CCDC90B: variants seen among roughly 807,000 people sequenced by gnomAD.
CCDC90B encodes coiled-coil domain containing 90B, also known as coiled-coil domain-containing protein 90B, mitochondrial.
CCDC90B carries 24 observed loss-of-function variants against 37.0 expected under a neutral mutation model. The observed-to-expected ratio is 0.65, with a 90% CI of 0.47 to 0.91. CCDC90B has a LOEUF of 0.91. Ranked by LOEUF, CCDC90B falls within the 40% of genes least tolerant of loss-of-function variation. The pLI, the probability that CCDC90B is intolerant of heterozygous loss-of-function variation, is 0.00. For synonymous variants in CCDC90B, 113 were observed against 101.1 expected (o/e 1.12, Z -0.71); for missense variants, 319 against 299.0 (o/e 1.07, Z -0.49).
At chr11:83,263,852 A>G (rs1864078966) in intron 8 of CCDC90B, among the ~76,000 whole-genome samples, 1 of 152,134 alleles carries the variant, frequency 6.6e-6, no homozygotes, top group South Asian at 2.1e-4. Context: ...TAGGTAGGCT[A>G]TTTTACTTGT....
rs1312514744 is a variant in CCDC90B at position 83,260,256 on chromosome 11, A to C, written c.*1655T>G. 1 of 152,210 alleles carries C rather than the reference A, an allele frequency of 6.6e-6. No individual in the cohort carries two copies. Among genetic ancestry groups the C allele is most frequent in the Non-Finnish European group, 1.5e-5 (1 of 68,044 alleles). 9.4% of individuals were successfully genotyped at this position (152,210 alleles called of 1,614,324 possible). A position where few individuals can be genotyped will look rare whatever the true frequency, so the allele number is the denominator to read the frequency against. Reference sequence around the variant, plus strand: ...TCCTTAAGATTGTCAATTCAATGAGAATGAAACCATGTTCATCTCTGTGCA... The same window carrying C: ...TCCTTAAGATTGTCAATTCAATGAGCATGAAACCATGTTCATCTCTGTGCA... On this transcript the variant is annotated 3_prime_UTR_variant, in exon 9 of 9. Coordinates refer to ENST00000529689, the MANE Select transcript of CCDC90B (RefSeq NM_021825.5).
At chr11:83,267,904 G>A (rs1033220007) in intron 7 of CCDC90B, among the ~76,000 whole-genome samples, 16 of 152,178 alleles carry the variant, frequency 1.1e-4, no homozygotes, top group South Asian at 4.1e-4. Flanking sequence ...GACTAACAGC[G>A]GACCTCTTGG....
At chr11:83,277,127 T>C (rs1320091415) in intron 3 of CCDC90B, among the ~76,000 whole-genome samples, 2 of 152,192 alleles carry the variant, frequency 1.3e-5, no homozygotes, top group African/African-American at 4.8e-5. Context: ...AATAGTGATA[T>C]TTCTATACTC....
At chr11:83,285,553 C>T in intron 1 of CCDC90B, 1 of 1,213,688 alleles carries the variant, frequency 8.2e-7, no homozygotes, top group Non-Finnish European at 1.0e-6. Flanking sequence ...CACAGATTAC[C>T]TTACGTTGGC....
chr11:83,273,615 TAC>T (rs1471755324), intron 7 of CCDC90B, 30 bp downstream of exon 7: 2 of 1,521,136 alleles, frequency 1.3e-6, no homozygotes, highest in African/African-American at 1.4e-5. Context: ...ACAAGAACTG[TAC>T]AAAAGAGACA....
intron 7 of CCDC90B, among the ~76,000 whole-genome samples, chr11:83,272,681 G>A (rs1353429172): frequency 6.6e-6 from 1 of 152,156 alleles, no homozygotes; most frequent in East Asian, 1.9e-4. Flanking sequence ...TCCTTTATCT[G>A]GCCAAGAAGT....
At chr11:83,279,558 C>T (rs1378968938) in intron 2 of CCDC90B, among the ~76,000 whole-genome samples, 1 of 152,046 alleles carries the variant, frequency 6.6e-6, no homozygotes, top group Non-Finnish European at 1.5e-5. Context: ...TGTAAAACTG[C>T]TTGTTCTTCT....
At chr11:83,275,533 AAAAT>A (rs1255272125) in intron 3 of CCDC90B, among the ~76,000 whole-genome samples, 2 of 149,364 alleles carry the variant, frequency 1.3e-5, no homozygotes, top group African/African-American at 5.0e-5. Flanking sequence ...AAAAAAAAAA[AAAAT>A]TTGAAATCTG....
intron 7 of CCDC90B, among the ~76,000 whole-genome samples, chr11:83,270,277 T>G (rs1434169296): frequency 6.6e-6 from 1 of 152,090 alleles, no homozygotes; most frequent in Non-Finnish European, 1.5e-5. Context: ...TCACTCCCAC[T>G]CAACATAGTG....
At chr11:83,265,273 A>G (rs1480166885) in intron 8 of CCDC90B, among the ~76,000 whole-genome samples, 2 of 152,168 alleles carry the variant, frequency 1.3e-5, no homozygotes, top group South Asian at 2.1e-4. Context: ...GATAGTGTCT[A>G]TGCTGAATCA....
chr11:83,270,314 G>C (rs927643323), intron 7 of CCDC90B, among the ~76,000 whole-genome samples: 1 of 152,156 alleles, frequency 6.6e-6, no homozygotes, highest in Admixed American at 6.5e-5. Flanking sequence ...GGGCAATCAG[G>C]CAAGAGAAAT....
At chr11:83,265,009 A>C (rs1864165976) in intron 8 of CCDC90B, among the ~76,000 whole-genome samples, 1 of 151,464 alleles carries the variant, frequency 6.6e-6, no homozygotes, top group African/African-American at 2.4e-5. Context: ...CCTAATGCTA[A>C]ATGACGAGTT....
chr11:83,280,275 A>G lies in CCDC90B; in HGVS notation c.101-15T>C, dbSNP rs766901640. 1 of 1,607,388 alleles carries G rather than the reference A, an allele frequency of 6.2e-7. No individual in the cohort carries two copies. The highest frequency in any genetic ancestry group is 8.5e-7 in the Non-Finnish European group (1 of 1,177,654). ...AGTGAAGAACTCTGAAAGAGAAGAC[A>G]ATTTTTTTCTTTTGTAGTAACTGAT... On this transcript the variant is annotated splice_polypyrimidine_tract_variant and intron_variant, in intron 1 of 8. Transcript: ENST00000529689.
chr11:83,272,187 C>T (rs1240525355), intron 7 of CCDC90B, among the ~76,000 whole-genome samples: 2 of 152,136 alleles, frequency 1.3e-5, no homozygotes, highest in African/African-American at 4.8e-5. Context: ...CAACATGGTA[C>T]ATGTATACCT....
At position 83,273,830 on chromosome 11, in the gene CCDC90B, A is replaced by G. The variant is rs555971139; in HGVS notation, c.503T>C (p.Leu168Pro). Residue 168 changes from leucine (L) to proline (P), a missense_variant, in exon 6 of 9, where the codon CTG becomes CCG. By Grantham distance (98) the Leu-to-Pro change is moderately conservative. Transcript: ENST00000529689. The part of the protein sequence containing the change: ...ETSRIRADNK[L>P]DINLERSRVT... ...TCTGCTCCTTTCTAAGTTGATATCCAGTTTATTATCTGCTCTGATTCGACT... is the reference window on the plus strand; with the variant it reads ...TCTGCTCCTTTCTAAGTTGATATCCGGTTTATTATCTGCTCTGATTCGACT... 1 of 1,610,430 alleles carries G rather than the reference A, an allele frequency of 6.2e-7. No individual in the cohort carries two copies. The highest frequency in any genetic ancestry group is 8.5e-7 in the Non-Finnish European group (1 of 1,178,034).
intron 7 of CCDC90B, 126 bp from the exon 8 acceptor site, chr11:83,266,105 A>T (rs1864250721): frequency 1.7e-6 from 1 of 574,538 alleles, no homozygotes; most frequent in African/African-American, 1.9e-5. Flanking sequence ...GGGAAACATT[A>T]AAAGCATAGT....
intron 7 of CCDC90B, among the ~76,000 whole-genome samples, chr11:83,269,983 A>G (rs1050158554): frequency 6.6e-6 from 1 of 152,232 alleles, no homozygotes; most frequent in South Asian, 2.1e-4. Flanking sequence ...CATCCCTGGG[A>G]TGCAAAGCTG....
chr11:83,278,859 T>C, intron 2 of CCDC90B, 30 bp from the exon 3 acceptor site: 2 of 1,346,056 alleles, frequency 1.5e-6, no homozygotes, highest in East Asian at 2.3e-5. Context: ...ATTTTATTTT[T>C]TTTAAAGTGT....
Position 83,280,185 on chromosome 11 carries a change from A to G in CCDC90B, c.176T>C (p.Leu59Ser), listed in dbSNP as rs750937198. The part of the protein sequence containing the change: ...VDITPLEQRK[L>S]TFDTHALVQD... ...AACCAATGCATGGGTATCAAAAGTTAATTTCCTTTGTTCTAAAGGAGTTAT... is the reference window on the plus strand; with the variant it reads ...AACCAATGCATGGGTATCAAAAGTTGATTTCCTTTGTTCTAAAGGAGTTAT... The change falls in exon 2 of 9, where the codon TTA becomes TCA. Residue 59 changes from leucine to serine, a missense_variant. Leu to Ser is a moderately radical substitution (Grantham distance 145). Coordinates refer to ENST00000529689, the MANE Select transcript of CCDC90B (RefSeq NM_021825.5). 2 of 1,613,148 alleles carry G rather than the reference A, an allele frequency of 1.2e-6. No individual in the cohort carries two copies. The highest frequency in any genetic ancestry group is 1.7e-6 in the Non-Finnish European group (2 of 1,179,790).
Sources: gnomAD v4.1 joint callset for allele counts (sites outside exome capture counted in the v4.1 genomes callset) on GRCh38, gnomAD v4.1.1 for gene constraint, MANE v1.5 for transcripts, NCBI Gene and HGNC (gene_info 2026-07-23, HGNC 2026-07-21) for gene names.